Variants in ANKRD44 observed in about 807,000 individuals in gnomAD.
ANKRD44 encodes serine/threonine-protein phosphatase 6 regulatory ankyrin repeat subunit B.
In ANKRD44, 35 loss-of-function variants were observed where a neutral mutation model predicts 116.0. That is an observed-to-expected ratio of 0.30 (90% CI 0.23 to 0.40). The LOEUF is 0.40. Among genes scored for constraint, ANKRD44 ranks in the 10% least tolerant of loss-of-function variants. ANKRD44 has a pLI of 1.00. For synonymous variants in ANKRD44, 435 were observed against 461.8 expected, an observed-to-expected ratio of 0.94 and a Z score of 0.74; for missense variants, 1,014 against 1,242.6, an observed-to-expected ratio of 0.82 and a Z score of 2.77.
In ANKRD44 at chr2:197,299,191, T is replaced by G. The variant is rs899529266; in HGVS notation, c.27+11387A>C. On this transcript the variant is annotated intron_variant, in intron 1 of 27. Coordinates refer to ENST00000282272, the MANE Select transcript of ANKRD44 (RefSeq NM_001195144.2). The stretch of plus-strand genomic sequence containing the variant: ...ATATTTCCTCTCCATCTTTTTTTTT[T>G]CCTCTTACAATTGATTTTTTAAATA... 2.0e-5 allele frequency among the ~76,000 whole-genome samples: 3 copies of G among 152,112 alleles called. No homozygotes were observed. In the South Asian group the frequency reaches 6.2e-4, roughly 31 times the overall value.
At chr2:196,989,700 A>G in intron 27 of ANKRD44, 51 bp from the exon 28 acceptor site, 1 of 1,546,468 alleles carries the variant, frequency 6.5e-7, no homozygotes, top group Admixed American at 2.0e-5. Context: ...TTCATCATCA[A>G]GCAACTGGCA....
chr2:197,108,492 CCT>C (rs1218605805), intron 9 of ANKRD44, among the ~76,000 whole-genome samples: 5 of 152,068 alleles, frequency 3.3e-5, no homozygotes, highest in Non-Finnish European at 7.4e-5. Context: ...ACAAAGATCC[CCT>C]GACCACAGAG....
rs548951003 is a variant in ANKRD44 at position 197,259,926 on chromosome 2, A to G, written c.27+50652T>C. 3.7e-4 allele frequency among the ~76,000 whole-genome samples: 56 copies of G among 151,376 alleles called. 1 individual carries two copies. The Middle Eastern group carries it at 0.01, about 28-fold the overall frequency. On this transcript the variant is annotated intron_variant, in intron 1 of 27. Coordinates refer to ENST00000282272, the MANE Select transcript of ANKRD44 (RefSeq NM_001195144.2). ...AGTGTGACTGTTAATTTGAGGGGGG[A>G]AAAAAAAAGAAAGAAAGAAAAGAAT...
intron 9 of ANKRD44, among the ~76,000 whole-genome samples, chr2:197,108,962 G>C (rs1445777043): frequency 6.6e-6 from 1 of 152,190 alleles, no homozygotes; most frequent in Non-Finnish European, 1.5e-5. Flanking sequence ...AGAGGCCAAA[G>C]CTGCCAGCAG....
Position 197,197,575 on chromosome 2 carries a change from C to T in ANKRD44, c.28-10469G>A, listed in dbSNP as rs541277605. ...CTTGTAATCCCAACACTTTGGGAGA[C>T]CAAGGCAGGCGGATCACTTGAATCC... On this transcript the variant is annotated intron_variant, in intron 1 of 27. Transcript: ENST00000282272. 2.2e-4 allele frequency among the ~76,000 whole-genome samples: 33 copies of T among 152,024 alleles called. 1 individual carries two copies. Among genetic ancestry groups the T allele is most frequent in the Non-Finnish European group, 4.6e-4 (31 of 67,992 alleles).
intron 1 of ANKRD44, among the ~76,000 whole-genome samples, chr2:197,239,415 G>A (rs1047350618): frequency 6.6e-6 from 1 of 152,014 alleles, no homozygotes; most frequent in Non-Finnish European, 1.5e-5. Context: ...ATTTTTTGTA[G>A]ACATGGGGTT....
At chr2:197,093,240 G>T (rs2078085457) in intron 10 of ANKRD44, among the ~76,000 whole-genome samples, 1 of 151,934 alleles carries the variant, frequency 6.6e-6, no homozygotes, top group African/African-American at 2.4e-5. Context: ...TGAATTTGAG[G>T]AAATAGCATC....
chr2:197,193,167 T>C (rs184910513), intron 1 of ANKRD44, among the ~76,000 whole-genome samples: 177 of 152,276 alleles, frequency 1.2e-3, no homozygotes, highest in South Asian at 7.5e-3. Context: ...GACTATGAAA[T>C]AGTTACTCAA....
chr2:197,208,557 T>A (rs570758697), intron 1 of ANKRD44, among the ~76,000 whole-genome samples: 2 of 152,170 alleles, frequency 1.3e-5, no homozygotes, highest in Admixed American at 1.3e-4. Context: ...TCCCAGCACT[T>A]TGGGAGGCCG....
intron 2 of ANKRD44, among the ~76,000 whole-genome samples, chr2:197,180,992 A>T (rs1241674411): frequency 6.6e-6 from 1 of 152,122 alleles, no homozygotes; most frequent in African/African-American, 2.4e-5. Flanking sequence ...TTGAGATTCA[A>T]TAATTAATCC....
At chr2:197,208,717 G>A (rs1180199480) in intron 1 of ANKRD44, among the ~76,000 whole-genome samples, 1 of 152,044 alleles carries the variant, frequency 6.6e-6, no homozygotes, top group Non-Finnish European at 1.5e-5. Flanking sequence ...GGAGAATGGT[G>A]TGAACCTGGG....
intron 17 of ANKRD44, chr2:197,016,131 C>A (rs2076388414): frequency 9.2e-6 from 3 of 324,402 alleles, no homozygotes; most frequent in Non-Finnish European, 1.8e-5. Context: ...TAAAAATCTG[C>A]CACAGGAATG....
At chr2:197,249,893 G>A (rs1393965717) in intron 1 of ANKRD44, among the ~76,000 whole-genome samples, 1 of 152,306 alleles carries the variant, frequency 6.6e-6, no homozygotes, top group Admixed American at 6.5e-5. Context: ...GAAAGTGAAA[G>A]GCTAATAGAA....
chr2:197,066,174 A>T (rs550334514), intron 16 of ANKRD44, among the ~76,000 whole-genome samples: 1 of 152,362 alleles, frequency 6.6e-6, no homozygotes, highest in South Asian at 2.1e-4. Flanking sequence ...TATAAACAGA[A>T]CTAAAGACAA....
intron 4 of ANKRD44, among the ~76,000 whole-genome samples, chr2:197,132,072 T>C (rs1208892105): frequency 6.6e-6 from 1 of 152,174 alleles, no homozygotes; most frequent in Non-Finnish European, 1.5e-5. Flanking sequence ...AGTAAGAGCC[T>C]CTCTTCATTT....
intron 1 of ANKRD44, among the ~76,000 whole-genome samples, chr2:197,290,281 A>G (rs1483560418): frequency 6.6e-6 from 1 of 152,160 alleles, no homozygotes; most frequent in Non-Finnish European, 1.5e-5. Context: ...CAACTTTTTA[A>G]TTACGGCTAT....
At chr2:196,978,541 T>C (rs2075775902) in intron 21 of ANKRD44, among the ~76,000 whole-genome samples, 2 of 152,196 alleles carry the variant, frequency 1.3e-5, no homozygotes, top group Non-Finnish European at 2.9e-5. Flanking sequence ...TTCATTTACA[T>C]GAAATGTCTA....
chr2:197,255,493 A>G (rs1418032340), intron 1 of ANKRD44, among the ~76,000 whole-genome samples: 1 of 152,286 alleles, frequency 6.6e-6, no homozygotes, highest in Non-Finnish European at 1.5e-5. Flanking sequence ...CTATTTGGAT[A>G]TAAGCTAGGT....
chr2:197,187,963 C>G (rs2080725874), intron 1 of ANKRD44, among the ~76,000 whole-genome samples: 1 of 151,970 alleles, frequency 6.6e-6, no homozygotes, highest in East Asian at 1.9e-4. Flanking sequence ...TCAAATAATT[C>G]CATTCCTAGA....
Sources: allele counts gnomAD v4.1 joint callset (sites outside exome capture counted in the v4.1 genomes callset), GRCh38; gene constraint gnomAD v4.1.1; transcripts MANE v1.5; gene names NCBI Gene and HGNC (gene_info 2026-07-23, HGNC 2026-07-21).